The following MCPH1 variants were observed in gnomAD, a reference collection of about 807,000 sequenced individuals.
MCPH1 encodes the protein microcephalin.
Under a neutral mutation model 84.5 loss-of-function variants are expected in MCPH1, and 104 were observed. The observed-to-expected ratio is 1.23, with a 90% CI of 1.05 to 1.45. MCPH1 has a LOEUF of 1.45. MCPH1 is among the 40% of genes most tolerant of loss of function. The probability of loss-of-function intolerance (pLI) is 0.00; values close to 1 mark genes in which losing one functional copy is unlikely to be tolerated. For missense variants in MCPH1, 1,498 were observed against 1,005.7 expected, an observed-to-expected ratio of 1.49 and a Z score of -6.62; for synonymous variants, 514 against 366.8, an observed-to-expected ratio of 1.40 and a Z score of -4.58.
intron 10 of MCPH1, among the ~76,000 whole-genome samples, chr8:6,479,206 G>T (rs1257711276): frequency 1.3e-5 from 2 of 152,006 alleles, no homozygotes; most frequent in African/African-American, 2.4e-5. Context: ...GATCAAGGAT[G>T]CAGTGAGCCA....
Position 6,420,662 on chromosome 8 carries a change from C to G in MCPH1, c.233+5779C>G, listed in dbSNP as rs1036095101. On this transcript the variant is annotated intron_variant, in intron 3 of 13. Transcript: ENST00000344683. The stretch of plus-strand genomic sequence containing the variant: ...AAATCGATCTCTCATAGATCTTTAT[C>G]TCTGCTGTTACAGTCGAGACAAGTA... Among the ~76,000 whole-genome samples the G allele has an allele frequency of 2.0e-5, 3 of 152,208 alleles. No homozygotes were observed. In the East Asian group the frequency reaches 5.8e-4, roughly 29 times the overall value.
At chr8:6,417,552 A>T (rs1563176485) in intron 3 of MCPH1, among the ~76,000 whole-genome samples, 1 of 151,564 alleles carries the variant, frequency 6.6e-6, no homozygotes, top group Non-Finnish European at 1.5e-5. Flanking sequence ...ATCTTTTTTC[A>T]AGTTCATTGA....
chr8:6,595,968 T>A (rs2442575), intron 12 of MCPH1, among the ~76,000 whole-genome samples: 27,631 of 152,192 alleles, frequency 0.18, 3,029 homozygotes, highest in Non-Finnish European at 0.25. Flanking sequence ...AGATGAAGAA[T>A]TTAAGAAATG....
At chr8:6,470,055 A>G (rs762250182) in intron 9 of MCPH1, among the ~76,000 whole-genome samples, 5 of 152,194 alleles carry the variant, frequency 3.3e-5, no homozygotes, top group Non-Finnish European at 7.4e-5. Flanking sequence ...TCGAATAACA[A>G]TGTTAAAAAC....
intron 2 of MCPH1, 152 bp from the exon 3 acceptor site, chr8:6,414,613 G>A (rs899304192): frequency 2.9e-6 from 2 of 698,158 alleles, no homozygotes; most frequent in East Asian, 3.1e-5. Flanking sequence ...AACTGGAACA[G>A]ATATGTTTTA....
At chr8:6,525,188 C>G (rs1172552254) in intron 12 of MCPH1, among the ~76,000 whole-genome samples, 1 of 152,176 alleles carries the variant, frequency 6.6e-6, no homozygotes, top group African/African-American at 2.4e-5. Flanking sequence ...CAATAACAAT[C>G]AGTATTAATA....
At chr8:6,632,016 ATT>A (rs1797199017) in intron 13 of MCPH1, among the ~76,000 whole-genome samples, 1 of 152,236 alleles carries the variant, frequency 6.6e-6, no homozygotes, top group African/African-American at 2.4e-5. Context: ...AAGGAAGGAG[ATT>A]CTGATACATG....
At position 6,463,118 on chromosome 8, in the gene MCPH1, C is replaced by T. The variant is rs369713395; in HGVS notation, c.1935+7866C>T. ...AGGAGTATAGCCTTTTCTAAAAGCTCCTTCAGTGATTCTGAGCTGATGGTC... is the reference window on the plus strand; with the variant it reads ...AGGAGTATAGCCTTTTCTAAAAGCTTCTTCAGTGATTCTGAGCTGATGGTC... On this transcript the variant is annotated intron_variant, in intron 9 of 13. Transcript: ENST00000344683. 7.2e-5 allele frequency among the ~76,000 whole-genome samples: 11 copies of T among 152,254 alleles called. No homozygotes were observed. In the South Asian group the frequency reaches 2.1e-3, roughly 29 times the overall value.
intron 11 of MCPH1, among the ~76,000 whole-genome samples, chr8:6,483,460 T>C (rs1282744937): frequency 6.6e-6 from 1 of 152,188 alleles, no homozygotes; most frequent in East Asian, 1.9e-4. Flanking sequence ...AGTGTGGTAT[T>C]GGTGGACACA....
At chr8:6,579,786 T>TA (rs1249636436) in intron 12 of MCPH1, among the ~76,000 whole-genome samples, 1 of 152,174 alleles carries the variant, frequency 6.6e-6, no homozygotes, top group Non-Finnish European at 1.5e-5. Flanking sequence ...GAGGGGTTCT[T>TA]AGTTATCAGC....
chr8:6,601,589 A>G (rs552984585), intron 12 of MCPH1, among the ~76,000 whole-genome samples: 1 of 133,078 alleles, frequency 7.5e-6, no homozygotes, highest in African/African-American at 2.8e-5. Flanking sequence ...ATACATGCCC[A>G]CCAGAAATAC....
rs1275337407 is a variant in MCPH1 at position 6,451,392 on chromosome 8, G to C, written c.1826-3751G>C. Among the ~76,000 whole-genome samples the C allele has an allele frequency of 3.3e-5, 5 of 152,282 alleles. No individual in the cohort carries two copies. In the East Asian group the frequency reaches 9.6e-4, roughly 29 times the overall value. ...AGGTTAATAGAAAGCTCTGTCCCTT[G>C]CTTTAAAGAACTTAGCTAAGTAGGG... On this transcript the variant is annotated intron_variant, in intron 8 of 13. Coordinates refer to ENST00000344683, the MANE Select transcript of MCPH1 (RefSeq NM_024596.5).
At chr8:6,623,523 A>C (rs1046600724) in intron 13 of MCPH1, among the ~76,000 whole-genome samples, 1 of 152,060 alleles carries the variant, frequency 6.6e-6, no homozygotes, top group Non-Finnish European at 1.5e-5. Flanking sequence ...AGACAAGTAG[A>C]TACTGTGTTT....
rs548190734 is a variant in MCPH1 at position 6,452,401 on chromosome 8, G to A, written c.1826-2742G>A. On this transcript the variant is annotated intron_variant, in intron 8 of 13. Transcript: ENST00000344683. Reference sequence around the variant, plus strand: ...AGATAACTGAAAGATAAAAATGTGGGGTCTGTCAGATTCATTTCCGTATTT... The same window carrying A: ...AGATAACTGAAAGATAAAAATGTGGAGTCTGTCAGATTCATTTCCGTATTT... 2.0e-5 allele frequency among the ~76,000 whole-genome samples: 3 copies of A among 152,286 alleles called. No individual in the cohort carries two copies. In the South Asian group the frequency reaches 6.2e-4, roughly 32 times the overall value.
intron 12 of MCPH1, among the ~76,000 whole-genome samples, chr8:6,517,361 C>T (rs1816462526): frequency 6.6e-6 from 1 of 152,162 alleles, no homozygotes; most frequent in Admixed American, 6.5e-5. Flanking sequence ...AATAGCAAAC[C>T]ATAGAGACAA....
intron 12 of MCPH1, among the ~76,000 whole-genome samples, chr8:6,517,345 G>A (rs924074150): frequency 1.8e-4 from 28 of 152,258 alleles, no homozygotes; most frequent in African/African-American, 6.3e-4. Flanking sequence ...ATTAAGTGAC[G>A]GGTTAAATAG....
chr8:6,496,948 T>G (rs1432386082), intron 11 of MCPH1, among the ~76,000 whole-genome samples: 1 of 152,062 alleles, frequency 6.6e-6, no homozygotes, highest in East Asian at 1.9e-4. Flanking sequence ...CCTCTTTAAA[T>G]TTTTTTTGAG....
rs1171936642 is a variant in MCPH1 at position 6,437,229 on chromosome 8, ATTTAT to A, written c.436+1075_436+1079del. 2.6e-5 allele frequency among the ~76,000 whole-genome samples: 4 copies of A among 151,562 alleles called. No homozygotes were observed. In the East Asian group the frequency reaches 5.8e-4, roughly 22 times the overall value. ...AAATTATTCAAATAGAATTGTCGAG[ATTTAT>A]TTTATTTATTTTTTTGAGATGGAGT... On this transcript the variant is annotated intron_variant, in intron 5 of 13. Coordinates refer to ENST00000344683, the MANE Select transcript of MCPH1 (RefSeq NM_024596.5).
rs1259493700 is a variant in MCPH1, at chr8:6,640,091, T to TGTGTGTGA, written c.2453-2896_2453-2895insAGTGTGTG. Among the ~76,000 whole-genome samples, 115 of 144,936 alleles carry TGTGTGTGA rather than the reference T, an allele frequency of 7.9e-4. 1 individual carries two copies. Among genetic ancestry groups the TGTGTGTGA allele is most frequent in the African/African-American group, 3.0e-3 (111 of 37,432 alleles). ...GTGTGTGTGTGTGTGTGTGTGTGTG[T>TGTGTGTGA]GTGTGTGCGCGCGCGTGTGTGTGTG... On this transcript the variant is annotated intron_variant, in intron 13 of 13. Transcript: ENST00000344683.
Sources: allele counts gnomAD v4.1 joint callset (sites outside exome capture counted in the v4.1 genomes callset), GRCh38; gene constraint gnomAD v4.1.1; transcripts MANE v1.5; gene names NCBI Gene and HGNC (gene_info 2026-07-23, HGNC 2026-07-21).